Variants in DNAH8 observed in about 807,000 individuals in gnomAD.
DNAH8 encodes dynein axonemal heavy chain 8.
A neutral mutation model predicts 562.1 loss-of-function variants in DNAH8; 382 were observed. That is an observed-to-expected ratio of 0.68 (90% CI 0.63 to 0.74). The LOEUF is 0.74. Ranked by LOEUF, DNAH8 falls within the 30% of genes least tolerant of loss-of-function variation. The pLI is 0.00. For missense variants in DNAH8, 5,203 were observed against 5,620.4 expected, an observed-to-expected ratio of 0.93 and a Z score of 2.37; for synonymous variants, 1,881 against 1,919.4, an observed-to-expected ratio of 0.98 and a Z score of 0.52.
At chr6:38,786,053 T>C (rs1264469143) in intron 17 of DNAH8, among the ~76,000 whole-genome samples, 2 of 152,250 alleles carry the variant, frequency 1.3e-5, no homozygotes, top group Non-Finnish European at 2.9e-5. Context: ...CATGCTTGTC[T>C]ATAATAAGTG....
At chr6:38,734,350 A>T in intron 4 of DNAH8, 124 bp from the exon 5 acceptor site, 4 of 792,638 alleles carry the variant, frequency 5.0e-6, no homozygotes, top group African/African-American at 2.3e-5. Context: ...AAATTATTCT[A>T]TGACCGTATT....
intron 82 of DNAH8, among the ~76,000 whole-genome samples, chr6:38,959,645 G>C (rs1762480088): frequency 6.6e-6 from 1 of 152,046 alleles, no homozygotes; most frequent in Non-Finnish European, 1.5e-5. Context: ...AAGACATCTT[G>C]TGTTAATGAC....
intron 21 of DNAH8, among the ~76,000 whole-genome samples, chr6:38,794,001 A>G (rs960088159): frequency 1.3e-5 from 2 of 152,094 alleles, no homozygotes; most frequent in Non-Finnish European, 2.9e-5. Flanking sequence ...ATTTATTTCT[A>G]TGTGATGCCT....
chr6:38,840,781 A>G lies in DNAH8; in HGVS notation c.4467-1587A>G, dbSNP rs180889492. Among the ~76,000 whole-genome samples, 443 of 152,330 alleles carry G rather than the reference A, an allele frequency of 2.9e-3. 3 individuals carry two copies. The highest frequency in any genetic ancestry group is 0.01 in the African/African-American group (428 of 41,578). On this transcript the variant is annotated intron_variant, in intron 33 of 92. Transcript: ENST00000327475. ...AACTGTATTAAATGAAAGCAACTGT[A>G]TTAAACAAGCAAAAATCAAAAGACA... is the stretch of plus-strand genomic sequence containing the variant.
At chr6:38,815,985 C>T (rs1163850576) in intron 26 of DNAH8, among the ~76,000 whole-genome samples, 2 of 151,892 alleles carry the variant, frequency 1.3e-5, no homozygotes, top group Non-Finnish European at 2.9e-5. Context: ...ATGATAGTGA[C>T]CCAAAATGTT....
intron 91 of DNAH8, among the ~76,000 whole-genome samples, chr6:39,013,094 G>T (rs1421140661): frequency 2.0e-5 from 3 of 152,186 alleles, no homozygotes; most frequent in Non-Finnish European, 4.4e-5. Context: ...CCCCCACTCA[G>T]TTTTCTAGTT....
intron 70 of DNAH8, among the ~76,000 whole-genome samples, chr6:38,919,824 C>T (rs1321311213): frequency 6.6e-6 from 1 of 151,948 alleles, no homozygotes; most frequent in African/African-American, 2.4e-5. Context: ...CATTCTTAGC[C>T]CTTACATACA....
At chr6:38,874,074 T>TTCTTTCTTTCTTTCTTTCTC (rs1777733923) in intron 52 of DNAH8, among the ~76,000 whole-genome samples, 1 of 100,554 alleles carries the variant, frequency 9.9e-6, no homozygotes, top group Non-Finnish European at 2.1e-5. Flanking sequence ...TTCTTTTTCT[T>TTCTTTCTTTCTTTCTTTCTC]TCTTTCTTTC....
chr6:38,901,275 T>C (rs188704588), intron 62 of DNAH8, among the ~76,000 whole-genome samples: 211 of 152,288 alleles, frequency 1.4e-3, no homozygotes, highest in African/African-American at 4.9e-3. Flanking sequence ...GGCACATAGA[T>C]ATTTTCCTAT....
chr6:38,747,550 C>T (rs1203621291), intron 8 of DNAH8, among the ~76,000 whole-genome samples: 1 of 152,074 alleles, frequency 6.6e-6, no homozygotes, highest in Admixed American at 6.6e-5. Context: ...CCATACCCAG[C>T]TAATTTTTGT....
At chr6:38,888,854 G>C (rs1779144021) in intron 57 of DNAH8, among the ~76,000 whole-genome samples, 1 of 152,202 alleles carries the variant, frequency 6.6e-6, no homozygotes, top group Non-Finnish European at 1.5e-5. Context: ...TAGGGCGTGT[G>C]CCCATCCCTA....
In DNAH8 at chr6:38,715,342, C is replaced by T. The variant is rs1322663960; in HGVS notation, c.-108C>T. 3 of 152,328 alleles carry T rather than the reference C, an allele frequency of 2.0e-5. No homozygotes were observed. The highest frequency in any genetic ancestry group is 4.4e-5 in the Non-Finnish European group (3 of 68,124). 9.4% of individuals were successfully genotyped at this position (152,328 alleles called of 1,614,324 possible). ...GGCCGCGGAGGCCGGAGCAGCTCCC[C>T]CGGGGCAGCGCAACCGCTGGGGCCG... On this transcript the variant is annotated 5_prime_UTR_variant, in exon 1 of 93. Transcript: ENST00000327475.
chr6:39,004,916 AT>A (rs1765712540), intron 88 of DNAH8, among the ~76,000 whole-genome samples: 1 of 152,110 alleles, frequency 6.6e-6, no homozygotes, highest in South Asian at 2.1e-4. Flanking sequence ...TTGTTTATGC[AT>A]TTACCAGCTG....
chr6:38,846,691 T>C (rs1457195919), intron 36 of DNAH8, among the ~76,000 whole-genome samples: 2 of 152,166 alleles, frequency 1.3e-5, no homozygotes, highest in Non-Finnish European at 2.9e-5. Context: ...CTAGACTTCA[T>C]GGGCAACTGC....
chr6:38,914,022 G>T (rs1167947119), intron 67 of DNAH8, 70 bp downstream of exon 67: 1 of 1,193,042 alleles, frequency 8.4e-7, no homozygotes, highest in Non-Finnish European at 1.2e-6. Context: ...TTTTAAAATG[G>T]TACTAAAGAA....
intron 31 of DNAH8, among the ~76,000 whole-genome samples, chr6:38,833,625 A>C (rs920033108): frequency 2.6e-5 from 4 of 152,208 alleles, no homozygotes; most frequent in African/African-American, 9.7e-5. Flanking sequence ...ATAACTGGGG[A>C]CTTTCCAGCA....
At chr6:38,867,967 A>G in intron 47 of DNAH8, 95 bp from the exon 48 acceptor site, 1 of 1,255,732 alleles carries the variant, frequency 8.0e-7, no homozygotes, top group Admixed American at 2.4e-5. Flanking sequence ...TATCCCATAT[A>G]AGTATCAGAA....
At chr6:38,805,937 T>G (rs1479628319) in intron 23 of DNAH8, among the ~76,000 whole-genome samples, 4 of 152,216 alleles carry the variant, frequency 2.6e-5, no homozygotes, top group Non-Finnish European at 5.9e-5. Flanking sequence ...GTTGTTGTGT[T>G]TAATGGTTAT....
intron 58 of DNAH8, among the ~76,000 whole-genome samples, chr6:38,893,865 C>A (rs1334685615): frequency 6.6e-6 from 1 of 152,124 alleles, no homozygotes; most frequent in African/African-American, 2.4e-5. Flanking sequence ...TTTTCACTTT[C>A]AAAAATGATG....
Sources: allele counts gnomAD v4.1 joint callset (sites outside exome capture counted in the v4.1 genomes callset), GRCh38; gene constraint gnomAD v4.1.1; transcripts MANE v1.5; gene names NCBI Gene and HGNC (gene_info 2026-07-23, HGNC 2026-07-21).